DPP6: variants seen among roughly 807,000 people sequenced by gnomAD.
DPP6 encodes dipeptidyl peptidase like 6.
Under a neutral mutation model 122.6 loss-of-function variants are expected in DPP6, and 69 were observed. The observed-to-expected ratio is 0.56, with a 90% CI of 0.46 to 0.69. The LOEUF is 0.69. DPP6 is among the 30% of genes least tolerant of loss of function. The pLI, the probability that DPP6 is intolerant of heterozygous loss-of-function variation, is 0.00. For missense variants in DPP6, 928 were observed against 1,116.9 expected (o/e 0.83, Z 2.41); for synonymous variants, 418 against 433.1 (o/e 0.97, Z 0.43).
At chr7:154,098,389 T>C (rs2150564512) in intron 1 of DPP6, among the ~76,000 whole-genome samples, 1 of 152,346 alleles carries the variant, frequency 6.6e-6, no homozygotes, top group Non-Finnish European at 1.5e-5. Flanking sequence ...AGGTATGTCT[T>C]TATTAGCTGT....
At chr7:154,303,511 C>T (rs966128272) in intron 1 of DPP6, among the ~76,000 whole-genome samples, 4 of 152,064 alleles carry the variant, frequency 2.6e-5, no homozygotes, top group Non-Finnish European at 5.9e-5. Context: ...CTTGGCCCGG[C>T]CCAGTCCCTC....
At chr7:154,795,963 G>A (rs1798028978) in intron 12 of DPP6, 80 bp downstream of exon 12, 3 of 1,530,856 alleles carry the variant, frequency 2.0e-6, no homozygotes, top group Non-Finnish European at 2.6e-6. Context: ...TTCGACAACA[G>A]CAGAATGGCT....
chr7:153,787,252 G>A, the DPP6 span, among the ~76,000 whole-genome samples: 14 of 146,180 alleles, frequency 9.6e-5, 1 homozygote, highest in Middle Eastern at 3.6e-3. Flanking sequence ...GCCCGGCCAC[G>A]GAAGATTTCC....
rs559472439 is a variant in DPP6 at position 154,618,395 on chromosome 7, T to G, written c.628-19426T>G. ...GCCCTCTAACTGCAGCGAGCTGGAT[T>G]TCAGACCCTTCCTGTGCACACACAC... On this transcript the variant is annotated intron_variant, in intron 5 of 25. Transcript: ENST00000377770. This position sits in a 1 kb window ranked among gnomAD's most constrained non-coding sequence, Gnocchi z 4.1. Among the ~76,000 whole-genome samples, 117 of 152,108 alleles carry G rather than the reference T, an allele frequency of 7.7e-4. No individual in the cohort carries two copies. Among genetic ancestry groups the G allele is most frequent in the Non-Finnish European group, 1.5e-3 (100 of 68,002 alleles).
chr7:154,502,007 A>G (rs954945346), intron 3 of DPP6, among the ~76,000 whole-genome samples: 1 of 152,200 alleles, frequency 6.6e-6, no homozygotes, highest in Non-Finnish European at 1.5e-5. Flanking sequence ...AATGTGAGAC[A>G]TGGAGTCAAA....
intron 5 of DPP6, among the ~76,000 whole-genome samples, chr7:154,620,507 C>T (rs1442756020): frequency 6.6e-6 from 1 of 152,244 alleles, no homozygotes; most frequent in South Asian, 2.1e-4. Flanking sequence ...CAAAATTTCA[C>T]TACACGCAGA....
intron 6 of DPP6, among the ~76,000 whole-genome samples, 153 bp from the exon 7 acceptor site, chr7:154,669,207 C>T (rs1355626443): frequency 1.3e-5 from 2 of 152,172 alleles, no homozygotes; most frequent in Non-Finnish European, 2.9e-5. Flanking sequence ...CTAAATGAGA[C>T]ATATTACTTA....
chr7:154,719,680 G>A (rs969930782), intron 7 of DPP6, among the ~76,000 whole-genome samples: 9 of 152,304 alleles, frequency 5.9e-5, no homozygotes, highest in African/African-American at 1.2e-4. Flanking sequence ...AGGGCCCTCC[G>A]TGGAGGCCAG....
rs144625006 is a variant in DPP6, at chr7:154,516,726, T to C, written c.458-23806T>C. Reference sequence around the variant, plus strand: ...AATATTTATTTGCTTATGGTTCAATTACGTGGAATAGAAGCATAAGCAGAA... The same window carrying C: ...AATATTTATTTGCTTATGGTTCAATCACGTGGAATAGAAGCATAAGCAGAA... On this transcript the variant is annotated intron_variant, in intron 3 of 25. Coordinates refer to ENST00000377770, the MANE Select transcript of DPP6 (RefSeq NM_130797.4). Among the ~76,000 whole-genome samples the C allele has an allele frequency of 7.3e-3, 1,118 of 152,330 alleles. 7 individuals carry two copies. The highest frequency in any genetic ancestry group is 9.3e-3 in the Non-Finnish European group (636 of 68,030).
At chr7:154,824,806 G>A (rs558801769) in intron 16 of DPP6, among the ~76,000 whole-genome samples, 8 of 152,310 alleles carry the variant, frequency 5.3e-5, no homozygotes, top group South Asian at 4.1e-4. Context: ...GGTGGCAAAC[G>A]CAGGTGCCCA....
intron 8 of DPP6, among the ~76,000 whole-genome samples, chr7:154,754,016 A>G (rs1843535538): frequency 1.4e-5 from 2 of 140,542 alleles, no homozygotes; most frequent in Admixed American, 1.3e-4. Flanking sequence ...ATAATTTACA[A>G]TTAATTAACC....
chr7:154,311,733 C>G (rs1359944770), intron 1 of DPP6, among the ~76,000 whole-genome samples: 1 of 152,148 alleles, frequency 6.6e-6, no homozygotes, highest in Non-Finnish European at 1.5e-5. Flanking sequence ...GTTGACCTTT[C>G]AGGACTCTTT....
chr7:154,045,004 A>G (rs1799950793), intron 1 of DPP6, among the ~76,000 whole-genome samples: 1 of 152,152 alleles, frequency 6.6e-6, no homozygotes, highest in East Asian at 1.9e-4. Flanking sequence ...AGAGTATCTC[A>G]GATAAGCCAC....
chr7:154,613,449 G>A (rs1402581545), intron 5 of DPP6, among the ~76,000 whole-genome samples: 4 of 151,366 alleles, frequency 2.6e-5, no homozygotes, highest in Admixed American at 6.6e-5. Context: ...GTGAAACCCC[G>A]TCTCTACTGA....
In DPP6 at chr7:154,055,184, T is replaced by C. The variant is rs960149824; in HGVS notation, c.243+2121T>C. Among the ~76,000 whole-genome samples, 70 of 143,996 alleles carry C rather than the reference T, an allele frequency of 4.9e-4. 1 individual carries two copies. 94.5% of individuals were successfully genotyped at this position (143,996 alleles called of 152,430 possible). A position where few individuals can be genotyped will look rare whatever the true frequency, so the allele number is the denominator to read the frequency against. On this transcript the variant is annotated intron_variant, in intron 1 of 25. Transcript: ENST00000377770. The stretch of plus-strand genomic sequence containing the variant: ...TACTCCCGATATATATATGCACACA[T>C]ATATACTTGCCCATTATCTGCACAT...
Position 154,875,999 on chromosome 7 carries a change from G to A in DPP6, c.1977G>A (p.Lys659=), listed in dbSNP as rs1804816532. ...MVSSHGAVVV[K]CDGRGSGFQG... ...GCAGCCACGGCGCGGTGGTGGTAAAGTGTGACGGCCGTGGCAGCGGCTTCC... is the reference window on the plus strand; with the variant it reads ...GCAGCCACGGCGCGGTGGTGGTAAAATGTGACGGCCGTGGCAGCGGCTTCC... Residue 659 remains lysine, a synonymous_variant, in exon 20 of 26, where the codon AAG becomes AAA. Coordinates refer to ENST00000377770, the MANE Select transcript of DPP6 (RefSeq NM_130797.4). The surrounding 1 kb of genome is among the most constrained non-coding windows in gnomAD (Gnocchi z 4.5). 2.5e-6 allele frequency: 4 copies of A among 1,613,384 alleles called. No homozygotes were observed. Among genetic ancestry groups the A allele is most frequent in the East Asian group, 4.5e-5 (2 of 44,856 alleles).
At chr7:154,112,033 TC>T (rs1806624965) in intron 1 of DPP6, among the ~76,000 whole-genome samples, 1 of 152,058 alleles carries the variant, frequency 6.6e-6, no homozygotes, top group South Asian at 2.1e-4. Flanking sequence ...TCCTTTACTC[TC>T]CCAGATTCTC....
At chr7:154,638,787 A>G (rs1396729734) in intron 6 of DPP6, among the ~76,000 whole-genome samples, 1 of 152,064 alleles carries the variant, frequency 6.6e-6, no homozygotes, top group Non-Finnish European at 1.5e-5. Flanking sequence ...TTGTTGTTTT[A>G]TCTTCATTAT....
chr7:154,582,511 C>T (rs1832140730), intron 5 of DPP6, among the ~76,000 whole-genome samples: 2 of 152,132 alleles, frequency 1.3e-5, no homozygotes, highest in South Asian at 4.1e-4. Flanking sequence ...GGAAGCCCCT[C>T]ACCTCGCCTG....
Sources: allele counts gnomAD v4.1 joint callset (sites outside exome capture counted in the v4.1 genomes callset), GRCh38; gene constraint gnomAD v4.1.1; non-coding constraint Gnocchi (gnomAD v3.1); transcripts MANE v1.5; gene names NCBI Gene and HGNC (gene_info 2026-07-23, HGNC 2026-07-21).